The following MUSK variants were observed in gnomAD, a reference collection of about 807,000 sequenced individuals.
MUSK encodes muscle, skeletal receptor tyrosine-protein kinase.
A neutral mutation model predicts 88.7 loss-of-function variants in MUSK; 55 were observed. The observed-to-expected ratio is 0.62, with a 90% CI of 0.50 to 0.78. The LOEUF (loss-of-function observed/expected upper bound fraction) is 0.78. Ranked by LOEUF, MUSK falls within the 30% of genes least tolerant of loss-of-function variation. MUSK has a pLI of 0.00. For missense variants in MUSK, 1,015 were observed against 1,074.3 expected (o/e 0.94, Z 0.77); for synonymous variants, 387 against 391.9 (o/e 0.99, Z 0.15).
chr9:110,751,825 A>G (rs1447837073), intron 7 of MUSK, among the ~76,000 whole-genome samples: 2 of 152,156 alleles, frequency 1.3e-5, no homozygotes, highest in Non-Finnish European at 2.9e-5. Context: ...CACAAAGGCA[A>G]CAATTAAATC....
intron 11 of MUSK, among the ~76,000 whole-genome samples, chr9:110,780,469 G>T (rs896332893): frequency 6.6e-6 from 1 of 152,184 alleles, no homozygotes; most frequent in Admixed American, 6.5e-5. Flanking sequence ...CCCTTCACAT[G>T]TATCCTGAAG....
intron 7 of MUSK, among the ~76,000 whole-genome samples, chr9:110,761,738 CTAATTTT>C (rs2077404421): frequency 6.6e-6 from 1 of 151,934 alleles, no homozygotes; most frequent in Admixed American, 6.6e-5. Context: ...CCTCGCCCGG[CTAATTTT>C]TTGTATTTTT....
intron 8 of MUSK, 125 bp from the exon 9 acceptor site, chr9:110,767,695 A>G (rs181401859): frequency 3.7e-4 from 385 of 1,041,592 alleles, no homozygotes; most frequent in Non-Finnish European, 5.0e-4. Flanking sequence ...CGTGTCAACC[A>G]ATTTACTAGT....
Position 110,734,357 on chromosome 9 carries a change from G to T in MUSK, c.735G>T (p.Trp245Cys). 1 of 1,613,150 alleles carries T rather than the reference G, an allele frequency of 6.2e-7. No homozygotes were observed. Among genetic ancestry groups the T allele is most frequent in the South Asian group, 1.1e-5 (1 of 91,048 alleles). ...GCATTCCTGTCCCCACCATCACCTGGATTGAAAACGGAAATGCTGTGAGTG... is the reference window on the plus strand; with the variant it reads ...GCATTCCTGTCCCCACCATCACCTGTATTGAAAACGGAAATGCTGTGAGTG... ...ATGIPVPTIT[W>C]IENGNAVSSG... The change falls in exon 6 of 15, where the codon TGG (tryptophan) becomes TGT (cysteine). Residue 245 changes from tryptophan to cysteine, a missense_variant. Coordinates refer to ENST00000374448, the MANE Select transcript of MUSK (RefSeq NM_005592.4).
chr9:110,757,459 GAAA>G (rs56887113), intron 7 of MUSK, among the ~76,000 whole-genome samples: 1 of 122,292 alleles, frequency 8.2e-6, no homozygotes. Context: ...ACTCTGTCTT[GAAA>G]AAAAAAAAAA....
chr9:110,720,374 A>C (rs754141463), intron 5 of MUSK, among the ~76,000 whole-genome samples: 15 of 152,148 alleles, frequency 9.9e-5, no homozygotes, highest in Non-Finnish European at 1.8e-4. Context: ...AAGACAGAAA[A>C]TTCAAATAAG....
At chr9:110,720,546 A>C (rs1325783563) in intron 5 of MUSK, among the ~76,000 whole-genome samples, 1 of 152,124 alleles carries the variant, frequency 6.6e-6, no homozygotes, top group Non-Finnish European at 1.5e-5. Context: ...AACCAGGAAG[A>C]TGTAGAAACT....
At chr9:110,770,279 T>G (rs899667628) in intron 9 of MUSK, among the ~76,000 whole-genome samples, 2 of 147,190 alleles carry the variant, frequency 1.4e-5, no homozygotes, top group Admixed American at 6.8e-5. Flanking sequence ...AATAATTATA[T>G]AAGTTATATA....
chr9:110,672,835 A>G (rs1016264013), intron 1 of MUSK, among the ~76,000 whole-genome samples: 2 of 152,200 alleles, frequency 1.3e-5, no homozygotes, highest in Non-Finnish European at 2.9e-5. Context: ...CAATAGTCAT[A>G]TGCGAGAGCC....
chr9:110,773,548 ATTTC>A (rs2077614267), intron 9 of MUSK, among the ~76,000 whole-genome samples: 1 of 152,096 alleles, frequency 6.6e-6, no homozygotes, highest in East Asian at 1.9e-4. Flanking sequence ...CAAATAAAAT[ATTTC>A]TTTTTCTTAA....
At chr9:110,788,515 C>G (rs929257990) in intron 14 of MUSK, among the ~76,000 whole-genome samples, 3 of 151,840 alleles carry the variant, frequency 2.0e-5, no homozygotes, top group Non-Finnish European at 4.4e-5. Context: ...GCCTGTAATC[C>G]TAGCTACTCG....
chr9:110,669,737 A>G (rs908994596), intron 1 of MUSK, among the ~76,000 whole-genome samples: 1 of 152,220 alleles, frequency 6.6e-6, no homozygotes, highest in African/African-American at 2.4e-5. Flanking sequence ...AGCGTATTTG[A>G]AATCAGAAAG....
At chr9:110,767,060 G>T (rs1464045585) in intron 8 of MUSK, among the ~76,000 whole-genome samples, 1 of 152,160 alleles carries the variant, frequency 6.6e-6, no homozygotes, top group Non-Finnish European at 1.5e-5. Context: ...GCATTTACAG[G>T]TTTCTCCCTG....
intron 5 of MUSK, among the ~76,000 whole-genome samples, chr9:110,699,808 C>T (rs545674193): frequency 2.0e-5 from 3 of 152,164 alleles, no homozygotes; most frequent in South Asian, 4.1e-4. Context: ...GTGACTATAT[C>T]GAATCAGAAC....
chr9:110,751,266 G>A (rs377016779), intron 7 of MUSK, among the ~76,000 whole-genome samples: 23 of 152,236 alleles, frequency 1.5e-4, no homozygotes, highest in Admixed American at 3.9e-4. Flanking sequence ...AACACCAACA[G>A]GGAAATCTGT....
chr9:110,676,364 T>TATATATGTGTGGGTATGATA (rs1564206290), intron 1 of MUSK, among the ~76,000 whole-genome samples: 1 of 124,306 alleles, frequency 8.0e-6, no homozygotes, highest in African/African-American at 2.7e-5. Flanking sequence ...TATTATATAT[T>TATATATGTGTGGGTATGATA]ATATATGTGT....
At chr9:110,779,141 G>A (rs1296147375) in intron 11 of MUSK, among the ~76,000 whole-genome samples, 2 of 151,612 alleles carry the variant, frequency 1.3e-5, no homozygotes, top group Non-Finnish European at 2.9e-5. Context: ...TAATTTTTGT[G>A]GTAATATTAA....
At position 110,768,197 on chromosome 9, in the gene MUSK, T is replaced by C. The variant is rs2077513903; in HGVS notation, c.1184+114T>C. ...CAGTAAAAGGAAAAGCTGGTTTTCA[T>C]CCAAAATAGGAGGTTAATGCCTGGG... On this transcript the variant is annotated intron_variant, in intron 9 of 14. Transcript: ENST00000374448. The C allele has an allele frequency of 3.5e-6, 4 of 1,141,678 alleles. No individual in the cohort carries two copies. In the South Asian group the frequency reaches 6.2e-5, roughly 18 times the overall value. 70.7% of individuals were successfully genotyped at this position (1,141,678 alleles called of 1,614,324 possible). A position where few individuals can be genotyped will look rare whatever the true frequency, so the allele number is the denominator to read the frequency against.
chr9:110,685,693 A>G (rs2076186674), intron 2 of MUSK, among the ~76,000 whole-genome samples: 1 of 152,086 alleles, frequency 6.6e-6, no homozygotes, highest in African/African-American at 2.4e-5. Flanking sequence ...TTGAACATAC[A>G]TATTTCTACG....
Sources: allele counts gnomAD v4.1 joint callset (sites outside exome capture counted in the v4.1 genomes callset), GRCh38; gene constraint gnomAD v4.1.1; transcripts MANE v1.5; gene names NCBI Gene and HGNC (gene_info 2026-07-23, HGNC 2026-07-21).